C10orf105: variants seen among roughly 807,000 people sequenced by gnomAD.
C10orf105 encodes chromosome 10 open reading frame 105, also known as uncharacterized protein C10orf105.
C10orf105 carries 2 observed loss-of-function variants against 0.6 expected under a neutral mutation model. The ratio of observed to expected loss-of-function variants is 3.18; its 90% CI spans 1.30 to 10.01. The LOEUF (loss-of-function observed/expected upper bound fraction) is 10.01, where lower values mean the gene tolerates loss of function less well. Among genes scored for constraint, C10orf105 ranks in the 30% most tolerant of loss-of-function variants. C10orf105 has a pLI of 0.04. For missense variants in C10orf105, 209 were observed against 191.4 expected (o/e 1.09, Z -0.54); for synonymous variants, 95 against 82.4 (o/e 1.15, Z -0.83).
chr10:71,730,458 G>T (rs769972347), intron 1 of C10orf105: 1 of 1,613,062 alleles, frequency 6.2e-7, no homozygotes, highest in South Asian at 1.1e-5. Flanking sequence ...CCCCTGGCCC[G>T]GCTCCCACAG....
chr10:71,725,305 G>A (rs1021805898), intron 1 of C10orf105: 1 of 1,609,256 alleles, frequency 6.2e-7, no homozygotes, highest in Non-Finnish European at 8.5e-7. Context: ...CCCAACCATG[G>A]CAGGCCAGCA....
chr10:71,716,112 G>A lies in C10orf105; in HGVS notation c.226C>T (p.Pro76Ser), dbSNP rs1176092267. ...PSRRRAHECM[P>S]HHPGSPSEPQ... ...TCACTGGGGCTCCCAGGGTGGTGGG[G>A]CATGCACTCGTGAGCCCTGCGGCGG... The change falls in exon 2 of 2, where the codon CCC (proline) becomes TCC (serine). Residue 76 changes from proline to serine, a missense_variant. Coordinates refer to ENST00000441508, the MANE Select transcript of C10orf105 (RefSeq NM_001164375.3). 1.3e-6 allele frequency: 2 copies of A among 1,546,918 alleles called. No homozygotes were observed. Among genetic ancestry groups the A allele is most frequent in the East Asian group, 2.4e-5 (1 of 40,834 alleles).
chr10:71,729,025 G>A (rs1024112545), intron 1 of C10orf105, among the ~76,000 whole-genome samples: 6 of 152,032 alleles, frequency 3.9e-5, no homozygotes, highest in African/African-American at 1.5e-4. Flanking sequence ...TGTAGAGACA[G>A]AGTCTCACTA....
At position 71,730,104 on chromosome 10, in the gene C10orf105, T is replaced by G. The variant is rs191530082; in HGVS notation, c.-6+7624A>C. On this transcript the variant is annotated intron_variant, in intron 1 of 1. Coordinates refer to the C10orf105 transcript ENST00000398786. ...CCACCTCGGCCTCCCAAAGTGCTGC[T>G]GGGATTACAGGCGTGAGCCACCGCG... Among the ~76,000 whole-genome samples, 1,467 of 152,308 alleles carry G rather than the reference T, an allele frequency of 9.6e-3. 16 individuals carry two copies. Among genetic ancestry groups the G allele is most frequent in the Non-Finnish European group, 0.015 (1,037 of 68,030 alleles).
Position 71,732,152 on chromosome 10 carries a change from A to G in C10orf105, c.-6+5576T>C, listed in dbSNP as rs1839411953. On this transcript the variant is annotated intron_variant, in intron 1 of 1. Coordinates refer to the C10orf105 transcript ENST00000398786. ...ACTGACCAGGCCCCGCCCTTCAACC[A>G]GGGCTTCTGCAGCGTCTACATCACT... 1 of 1,614,026 alleles carries G rather than the reference A, an allele frequency of 6.2e-7. No homozygotes were observed. The highest frequency in any genetic ancestry group is 1.7e-5 in the Admixed American group (1 of 60,024).
At position 71,712,863 on chromosome 10, in the gene C10orf105, G is replaced by T; in HGVS notation, c.*3073C>A. On this transcript the variant is annotated 3_prime_UTR_variant, in exon 2 of 2. Transcript: ENST00000441508. ...CAGGTGGTGGGCTGGGGGAGGCGGA[G>T]CCACACACGGCCCTGAGGGCACATG... is the stretch of plus-strand genomic sequence containing the variant. 6.3e-7 allele frequency: 1 copy of T among 1,585,696 alleles called. No individual in the cohort carries two copies.
At chr10:71,730,653 T>TC in intron 1 of C10orf105, 1 of 1,607,548 alleles carries the variant, frequency 6.2e-7, no homozygotes, top group Non-Finnish European at 8.5e-7. Flanking sequence ...AGAGCAAACC[T>TC]CCCCAGCTCA....
chr10:71,736,513 C>T (rs1839570141), intron 1 of C10orf105, among the ~76,000 whole-genome samples: 1 of 152,160 alleles, frequency 6.6e-6, no homozygotes, highest in African/African-American at 2.4e-5. Context: ...AAGTTCAGGC[C>T]TTCAGGGGGT....
chr10:71,722,212 G>A (rs145375599), upstream of C10orf105, among the ~76,000 whole-genome samples: 1,411 of 152,264 alleles, frequency 9.3e-3, 32 homozygotes, highest in African/African-American at 0.033. Flanking sequence ...AAGCCAAGGC[G>A]GGAGGATTGC....
intron 1 of C10orf105, among the ~76,000 whole-genome samples, chr10:71,733,516 A>G (rs996115532): frequency 6.6e-6 from 1 of 152,150 alleles, no homozygotes; most frequent in Non-Finnish European, 1.5e-5. Flanking sequence ...GAGTTGCCTC[A>G]TTAGAACAAA....
Position 71,712,514 on chromosome 10 carries a change from G to A in C10orf105, c.*3422C>T. ...TTGATACTGTTAGTGTTATTCCTAAGCTAAAAAGGAAGTCACCCCTTGCAA... is the reference window on the plus strand; with the variant it reads ...TTGATACTGTTAGTGTTATTCCTAAACTAAAAAGGAAGTCACCCCTTGCAA... On this transcript the variant is annotated 3_prime_UTR_variant, in exon 2 of 2. Coordinates refer to ENST00000441508, the MANE Select transcript of C10orf105 (RefSeq NM_001164375.3). The A allele has an allele frequency of 1.4e-6, 1 of 715,544 alleles. No individual in the cohort carries two copies. The highest frequency in any genetic ancestry group is 2.4e-6 in the Non-Finnish European group (1 of 423,982). The allele number at this position is 715,544 out of a possible 1,614,324, so 44.3% of individuals were successfully genotyped here. A position where few individuals can be genotyped will look rare whatever the true frequency, so the allele number is the denominator to read the frequency against.
At position 71,715,807 on chromosome 10, in the gene C10orf105, C is replaced by CG. The variant is rs1171701819; in HGVS notation, c.*128dup. On this transcript the variant is annotated 3_prime_UTR_variant, in exon 2 of 2. Coordinates refer to ENST00000441508, the MANE Select transcript of C10orf105 (RefSeq NM_001164375.3). ...GCTGGCCTGGGCATGCAAGGAGCTTCGGGGGGTGAGTGTGTGTCCCAGACT... is the reference window on the plus strand; with the variant it reads ...GCTGGCCTGGGCATGCAAGGAGCTTCGGGGGGGTGAGTGTGTGTCCCAGACT... The CG allele has an allele frequency of 6.7e-6, 6 of 896,174 alleles. No homozygotes were observed. The highest frequency in any genetic ancestry group is 2.3e-4 in the Middle Eastern group (1 of 4,338). 55.5% of individuals were successfully genotyped at this position (896,174 alleles called of 1,614,324 possible). A position where few individuals can be genotyped will look rare whatever the true frequency, so the allele number is the denominator to read the frequency against.
rs529042750 is a variant in C10orf105, at chr10:71,713,151, A to G, written c.*2785T>C. The G allele has an allele frequency of 9.0e-6, 7 of 779,118 alleles. No homozygotes were observed. The South Asian group carries it at 9.4e-5, about 10-fold the overall frequency. 48.3% of individuals were successfully genotyped at this position (779,118 alleles called of 1,614,324 possible). ...GTCACAATTTCCCGGAAAGGAGTTG[A>G]GAAGAGAGCCAGGGCCCAGCAAGGC... On this transcript the variant is annotated 3_prime_UTR_variant, in exon 2 of 2. Transcript: ENST00000441508.
At chr10:71,732,732 T>C (rs1589383208) in intron 1 of C10orf105, 3 of 1,161,332 alleles carry the variant, frequency 2.6e-6, no homozygotes, top group Non-Finnish European at 3.2e-6. Context: ...TGCAGGCTGG[T>C]ATCCTTCTGT....
At position 71,715,148 on chromosome 10, in the gene C10orf105, G is replaced by C. The variant is rs991256282; in HGVS notation, c.*788C>G. On this transcript the variant is annotated 3_prime_UTR_variant, in exon 2 of 2. Transcript: ENST00000441508. ...GTGAGCTGTCCTCCTCCGAGTCCAG[G>C]TGGCATCACCTCCAGCTGCTGGAAA... The C allele has an allele frequency of 6.6e-6, 1 of 152,394 alleles. No homozygotes were observed. Among genetic ancestry groups the C allele is most frequent in the Non-Finnish European group, 1.5e-5 (1 of 68,184 alleles). 9.4% of individuals were successfully genotyped at this position (152,394 alleles called of 1,614,324 possible). A position where few individuals can be genotyped will look rare whatever the true frequency, so the allele number is the denominator to read the frequency against.
intron 1 of C10orf105, 128 bp downstream of exon 1, chr10:71,719,499 C>G (rs1275810574): frequency 6.6e-6 from 1 of 152,456 alleles, no homozygotes; most frequent in African/African-American, 2.4e-5. Flanking sequence ...GCCTTGTTTC[C>G]CCTCTCTACA....
rs1005865483 is a variant in C10orf105, at chr10:71,711,768, A to C, written c.*4168T>G. 1 of 152,180 alleles carries C rather than the reference A, an allele frequency of 6.6e-6. No individual in the cohort carries two copies. The highest frequency in any genetic ancestry group is 2.1e-4 in the South Asian group (1 of 4,826). 9.4% of individuals were successfully genotyped at this position (152,180 alleles called of 1,614,324 possible). On this transcript the variant is annotated 3_prime_UTR_variant, in exon 2 of 2. Coordinates refer to ENST00000441508, the MANE Select transcript of C10orf105 (RefSeq NM_001164375.3). ...GTTCAATTTCTCATGAGAAATCAGA[A>C]GATCTGGTGTCTCTGGGCCCACATT... is the stretch of plus-strand genomic sequence containing the variant.
intron 1 of C10orf105, among the ~76,000 whole-genome samples, chr10:71,728,290 T>C (rs1383751963): frequency 6.7e-6 from 1 of 149,316 alleles, no homozygotes; most frequent in African/African-American, 2.4e-5. Flanking sequence ...GGAGTGGACA[T>C]GTTAGTTTGC....
intron 1 of C10orf105, among the ~76,000 whole-genome samples, chr10:71,731,255 C>G (rs60481174): frequency 0.029 from 4,382 of 152,334 alleles, 232 homozygotes; most frequent in African/African-American, 0.1. Flanking sequence ...CCACTGTCCC[C>G]CAGAGAGGCT....
Sources: gnomAD v4.1 joint callset for allele counts (sites outside exome capture counted in the v4.1 genomes callset) on GRCh38, gnomAD v4.1.1 for gene constraint, MANE v1.5 for transcripts, NCBI Gene and HGNC (gene_info 2026-07-23, HGNC 2026-07-21) for gene names.